Variants in ATM observed in about 807,000 individuals in gnomAD.
The protein encoded by ATM is serine-protein kinase ATM.
A neutral mutation model predicts 387.0 loss-of-function variants in ATM; 308 were observed. That is an observed-to-expected ratio of 0.80 (90% CI 0.73 to 0.87). The LOEUF is 0.87. ATM is among the 40% of genes least tolerant of loss of function. ATM has a pLI of 0.00. For synonymous variants in ATM, 1,156 were observed against 1,187.3 expected (o/e 0.97, Z 0.54); for missense variants, 3,312 against 3,560.9 (o/e 0.93, Z 1.78).
At chr11:108,230,695 A>G (rs1261460773) in intron 4 of ATM, 3 of 152,136 alleles carry the variant, frequency 2.0e-5, no homozygotes, top group African/African-American at 7.2e-5. Context: ...CAAACAAAAA[A>G]GTGTGGGACT....
chr11:108,252,896 C>T lies in ATM; in HGVS notation c.1882C>T (p.Gln628Ter), dbSNP rs2135354813. Residue 628 changes from glutamine (Q) to a stop codon, truncating the protein, a stop_gained, in exon 12 of 63, where the codon CAA (glutamine) becomes TAA (stop). Transcript: ENST00000675843. LOFTEE classifies it high-confidence loss of function. ...KNCKAAMNFF[Q>*]SVPECEHHQK... ...CTGTAAAGCTGCAATGAATTTTTTC[C>T]AAAGCGTGCCAGAATGGTATGTTAT... 1.9e-6 allele frequency: 3 copies of T among 1,611,190 alleles called. No individual in the cohort carries two copies. The highest frequency in any genetic ancestry group is 2.5e-6 in the Non-Finnish European group (3 of 1,177,886).
intron 38 of ATM, among the ~76,000 whole-genome samples, chr11:108,309,878 C>T (rs941677915): frequency 3.4e-4 from 51 of 151,980 alleles, no homozygotes; most frequent in African/African-American, 1.2e-3. Flanking sequence ...TGGTAGAGAG[C>T]AGATATGAAC....
chr11:108,253,125 G>A (rs568226596), intron 12 of ATM, among the ~76,000 whole-genome samples: 1 of 152,174 alleles, frequency 6.6e-6, no homozygotes, highest in African/African-American at 2.4e-5. Flanking sequence ...TTTTAATGCT[G>A]TATAGTATAA....
rs1555053869 is a variant in ATM, at chr11:108,227,633, A to C, written c.9A>C (p.Leu3=). The C allele has an allele frequency of 6.2e-7, 1 of 1,613,684 alleles. No homozygotes were observed. Among genetic ancestry groups the C allele is most frequent in the African/African-American group, 1.3e-5 (1 of 74,902 alleles). The change falls in exon 2 of 63, where the codon CTA becomes CTC. Residue 3 remains leucine, a synonymous_variant. Coordinates refer to ENST00000675843, the MANE Select transcript of ATM (RefSeq NM_000051.4). Reference sequence around the variant, plus strand: ...TTCTGAAATTGTGAACCATGAGTCTAGTACTTAATGATCTGCTTATCTGCT... The same window carrying C: ...TTCTGAAATTGTGAACCATGAGTCTCGTACTTAATGATCTGCTTATCTGCT... The part of the protein sequence containing the change: MS[L]VLNDLLICCR...
At chr11:108,339,652 A>G (rs1474584148) in intron 56 of ATM, among the ~76,000 whole-genome samples, 1 of 152,042 alleles carries the variant, frequency 6.6e-6, no homozygotes, top group Non-Finnish European at 1.5e-5. Context: ...AACCAACATC[A>G]CAGTTGAGAC....
In ATM at chr11:108,246,958, T is replaced by A. The variant is rs2079876827; in HGVS notation, c.902-6T>A. ...AAAAATTACATTTTAATTTTTTGGATTACAGGTGCTTATGAATCAACAAAA... is the reference window on the plus strand; with the variant it reads ...AAAAATTACATTTTAATTTTTTGGAATACAGGTGCTTATGAATCAACAAAA... On this transcript the variant is annotated splice_polypyrimidine_tract_variant and splice_region_variant and intron_variant, in intron 7 of 62. Coordinates refer to ENST00000675843, the MANE Select transcript of ATM (RefSeq NM_000051.4). 5 of 1,605,026 alleles carry A rather than the reference T, an allele frequency of 3.1e-6. No homozygotes were observed. Among genetic ancestry groups the A allele is most frequent in the Non-Finnish European group, 4.3e-6 (5 of 1,173,488 alleles).
intron 35 of ATM, 40 bp downstream of exon 35, chr11:108,301,829 T>C (rs1015960804): frequency 6.2e-7 from 1 of 1,602,696 alleles, no homozygotes; most frequent in South Asian, 1.1e-5. Context: ...ACCCAGCATA[T>C]CTAAAACAGT....
intron 26 of ATM, 87 bp from the exon 27 acceptor site, chr11:108,287,513 G>T: frequency 1.3e-6 from 1 of 793,998 alleles, no homozygotes; most frequent in Non-Finnish European, 2.0e-6. Flanking sequence ...GAATACTTTT[G>T]GAAATAAGGT....
intron 36 of ATM, 146 bp from the exon 37 acceptor site, chr11:108,304,529 T>A: frequency 1.2e-6 from 1 of 835,986 alleles, no homozygotes; most frequent in Non-Finnish European, 1.8e-6. Context: ...GTTTGTTTTT[T>A]TAGCAGTATG....
At position 108,326,036 on chromosome 11, in the gene ATM, C is replaced by A. The variant is rs3218700; in HGVS notation, c.6808-22C>A. ...GTATCAGTAGTAAAAGTATTTATTC[C>A]CATATGTCATTTTCATTTCAGCTCC... On this transcript the variant is annotated intron_variant, in intron 46 of 62. Coordinates refer to ENST00000675843, the MANE Select transcript of ATM (RefSeq NM_000051.4). 2.6e-4 allele frequency: 422 copies of A among 1,611,760 alleles called. 6 individuals are homozygous for A. Among genetic ancestry groups the A allele is most frequent in the Middle Eastern group, 2.5e-3 (15 of 6,056 alleles).
chr11:108,267,119 G>C (rs2135503950), intron 16 of ATM, 52 bp from the exon 17 acceptor site: 1 of 1,579,716 alleles, frequency 6.3e-7, no homozygotes, highest in Non-Finnish European at 8.7e-7. Context: ...TTTGACTACA[G>C]CATGCTCCTG....
chr11:108,275,112 A>G (rs1422689459), intron 22 of ATM, among the ~76,000 whole-genome samples: 6 of 152,188 alleles, frequency 3.9e-5, no homozygotes, highest in Non-Finnish European at 7.4e-5. Flanking sequence ...TCCTTATACC[A>G]TCATGTAATG....
At chr11:108,300,521 A>G (rs911084125) in intron 34 of ATM, among the ~76,000 whole-genome samples, 2 of 152,160 alleles carry the variant, frequency 1.3e-5, no homozygotes, top group Non-Finnish European at 2.9e-5. Flanking sequence ...TTTCCTCACA[A>G]CCAGGCACCT....
intron 13 of ATM, among the ~76,000 whole-genome samples, chr11:108,255,076 TTAAACA>T (rs1289852625): frequency 1.3e-5 from 2 of 152,372 alleles, no homozygotes; most frequent in African/African-American, 2.4e-5. Flanking sequence ...ACTATAACTC[TTAAACA>T]TAAACTCTTA....
chr11:108,261,264 T>C lies in ATM; in HGVS notation c.2466+2189T>C, dbSNP rs537716123. On this transcript the variant is annotated intron_variant, in intron 16 of 62. Coordinates refer to ENST00000675843, the MANE Select transcript of ATM (RefSeq NM_000051.4). ...ACAGCTTTGAAGAGAGCAGTGGTTC[T>C]CCCAGCACACAGCTGGAGATCTGAG... Among the ~76,000 whole-genome samples the C allele has an allele frequency of 2.5e-3, 382 of 152,302 alleles. 2 individuals carry two copies. The highest frequency in any genetic ancestry group is 7.9e-3 in the African/African-American group (330 of 41,558).
intron 13 of ATM, among the ~76,000 whole-genome samples, chr11:108,255,969 C>A (rs2080451488): frequency 6.6e-6 from 1 of 152,080 alleles, no homozygotes; most frequent in Non-Finnish European, 1.5e-5. Context: ...AGTACACCCT[C>A]CACCCTAAGA....
chr11:108,287,437 A>T, intron 26 of ATM, 163 bp from the exon 27 acceptor site: 3 of 509,724 alleles, frequency 5.9e-6, no homozygotes, highest in Non-Finnish European at 1.0e-5. Context: ...TAGAAGAAAA[A>T]GGTAGAGTTA....
intron 21 of ATM, 46 bp downstream of exon 21, chr11:108,272,653 A>G: frequency 6.2e-7 from 1 of 1,612,750 alleles, no homozygotes; most frequent in South Asian, 1.1e-5. Flanking sequence ...GAAAATTTTA[A>G]AGCAGTCTTT....
rs1308894113 is a variant in ATM, at chr11:108,365,409, T to G, written c.9072T>G (p.Thr3024=). ...QEKLKGVEEG[T]VLSVGGQVNL... is the part of the protein sequence containing the mutation. The stretch of plus-strand genomic sequence containing the variant: ...AACTGAAAGGAGTGGAAGAAGGCAC[T>G]GTGCTCAGTGTTGGTGGACAAGTGA... Residue 3024 remains threonine, a synonymous_variant, in exon 63 of 63, where the codon ACT becomes ACG. Transcript: ENST00000675843. 1 of 1,614,110 alleles carries G rather than the reference T, an allele frequency of 6.2e-7. No individual in the cohort carries two copies. Among genetic ancestry groups the G allele is most frequent in the East Asian group, 2.2e-5 (1 of 44,898 alleles).
Sources: allele counts gnomAD v4.1 joint callset (sites outside exome capture counted in the v4.1 genomes callset), GRCh38; gene constraint gnomAD v4.1.1; transcripts MANE v1.5; gene names NCBI Gene and HGNC (gene_info 2026-07-23, HGNC 2026-07-21).